RERG: variants seen among roughly 807,000 people sequenced by gnomAD.
The protein encoded by RERG is ras-related and estrogen-regulated growth inhibitor.
In RERG, 25 loss-of-function variants were observed where a neutral mutation model predicts 23.2. That is an observed-to-expected ratio of 1.08 (90% confidence interval 0.79 to 1.50). RERG has a LOEUF of 1.50. RERG is among the 40% of genes most tolerant of loss of function. RERG has a pLI of 0.00. For missense variants in RERG, 253 were observed against 250.1 expected (o/e 1.01, Z -0.08); for synonymous variants, 81 against 89.1 (o/e 0.91, Z 0.51).
chr12:15,145,317 A>G (rs1864313034), intron 2 of RERG, among the ~76,000 whole-genome samples: 1 of 152,252 alleles, frequency 6.6e-6, no homozygotes, highest in African/African-American at 2.4e-5. Flanking sequence ...TTAAAGAAGA[A>G]GAGAGAGACA....
chr12:15,180,338 G>A (rs915987192), intron 2 of RERG, among the ~76,000 whole-genome samples: 1 of 152,098 alleles, frequency 6.6e-6, no homozygotes, highest in Non-Finnish European at 1.5e-5. Flanking sequence ...CCCTGTCTTG[G>A]GTCATTCAGT....
intron 2 of RERG, among the ~76,000 whole-genome samples, chr12:15,160,380 G>A (rs574819221): frequency 1.3e-5 from 2 of 152,196 alleles, no homozygotes; most frequent in African/African-American, 4.8e-5. Context: ...CTCAGGTGCC[G>A]CTGAAACATG....
chr12:15,154,574 A>G (rs541058082), intron 2 of RERG, among the ~76,000 whole-genome samples: 187 of 152,354 alleles, frequency 1.2e-3, no homozygotes, highest in Non-Finnish European at 9.3e-4. Context: ...AGAAATTTGC[A>G]GAATGGGAAA....
intron 2 of RERG, among the ~76,000 whole-genome samples, chr12:15,181,961 A>AT (rs1864928890): frequency 6.6e-6 from 1 of 151,854 alleles, no homozygotes; most frequent in Non-Finnish European, 1.5e-5. Flanking sequence ...AAATTCAGTC[A>AT]TTTTCTCTCT....
chr12:15,165,205 G>A (rs1266258700), intron 2 of RERG, among the ~76,000 whole-genome samples: 4 of 152,086 alleles, frequency 2.6e-5, no homozygotes, highest in South Asian at 2.1e-4. Context: ...GTCTTTGAGC[G>A]GCGACCACTC....
chr12:15,217,585 C>A lies in RERG; in HGVS notation c.-96G>T. 1 of 868,586 alleles carries A rather than the reference C, an allele frequency of 1.2e-6. No individual in the cohort carries two copies. The highest frequency in any genetic ancestry group is 2.0e-6 in the Non-Finnish European group (1 of 510,608). The allele number at this position is 868,586 out of a possible 1,614,324, so 53.8% of individuals were successfully genotyped here. A position where few individuals can be genotyped will look rare whatever the true frequency, so the allele number is the denominator to read the frequency against. On this transcript the variant is annotated 5_prime_UTR_variant, in exon 2 of 5. Coordinates refer to ENST00000256953, the MANE Select transcript of RERG (RefSeq NM_032918.3). ...TTGGATTCACCATATCATTGTGAAT[C>A]TTGGAAGAGTCCACAATCCTTAAAC...
intron 2 of RERG, among the ~76,000 whole-genome samples, chr12:15,133,928 T>G (rs571508736): frequency 6.6e-6 from 1 of 152,238 alleles, no homozygotes; most frequent in East Asian, 1.9e-4. Context: ...TTTCAGATGT[T>G]TTACCCATTT....
intron 2 of RERG, among the ~76,000 whole-genome samples, chr12:15,147,951 G>T (rs79763312): frequency 6.6e-6 from 1 of 152,052 alleles, no homozygotes; most frequent in Non-Finnish European, 1.5e-5. Context: ...TCCAAATCTC[G>T]AATCTCCACT....
At chr12:15,197,151 A>G (rs920659165) in intron 2 of RERG, among the ~76,000 whole-genome samples, 2 of 152,188 alleles carry the variant, frequency 1.3e-5, no homozygotes, top group Non-Finnish European at 2.9e-5. Flanking sequence ...ACAAACACAC[A>G]AAAATGCCTG....
intron 2 of RERG, among the ~76,000 whole-genome samples, chr12:15,122,048 G>A (rs893498693): frequency 6.6e-6 from 1 of 151,750 alleles, no homozygotes; most frequent in Non-Finnish European, 1.5e-5. Flanking sequence ...AAATTGGAGC[G>A]GGATGTCACA....
chr12:15,124,192 G>A (rs909640667), intron 2 of RERG, among the ~76,000 whole-genome samples: 4 of 152,108 alleles, frequency 2.6e-5, no homozygotes, highest in African/African-American at 9.7e-5. Context: ...ATAAGTAAGA[G>A]CTAAAAGGTA....
At chr12:15,206,953 T>C (rs906807280) in intron 2 of RERG, among the ~76,000 whole-genome samples, 2 of 152,040 alleles carry the variant, frequency 1.3e-5, no homozygotes, top group Admixed American at 1.3e-4. Flanking sequence ...AAGCAGGAGA[T>C]TGTAACTGTG....
chr12:15,129,000 C>T (rs1262406274), intron 2 of RERG, among the ~76,000 whole-genome samples: 1 of 152,156 alleles, frequency 6.6e-6, no homozygotes, highest in East Asian at 1.9e-4. Context: ...TTTTCTGTGA[C>T]CGTTCTGGTC....
At chr12:15,206,825 T>C (rs1405410141) in intron 2 of RERG, among the ~76,000 whole-genome samples, 2 of 152,150 alleles carry the variant, frequency 1.3e-5, no homozygotes, top group African/African-American at 2.4e-5. Context: ...AGTTTCTGCA[T>C]AGGATAGATA....
intron 2 of RERG, among the ~76,000 whole-genome samples, chr12:15,169,400 G>A (rs1864742394): frequency 6.6e-6 from 1 of 152,142 alleles, no homozygotes; most frequent in South Asian, 2.1e-4. Context: ...AATCCTTTGA[G>A]GCCCGGACCA....
intron 2 of RERG, among the ~76,000 whole-genome samples, chr12:15,122,529 C>A (rs930854038): frequency 6.6e-6 from 1 of 152,120 alleles, no homozygotes; most frequent in Non-Finnish European, 1.5e-5. Flanking sequence ...AGGCTGAATT[C>A]GAGCCAAAAT....
intron 2 of RERG, among the ~76,000 whole-genome samples, chr12:15,177,063 A>G (rs1038167545): frequency 1.3e-5 from 2 of 152,256 alleles, no homozygotes; most frequent in African/African-American, 4.8e-5. Context: ...CAGTTCATCT[A>G]TATCTAAGTG....
chr12:15,154,645 T>C (rs1200805504), intron 2 of RERG, among the ~76,000 whole-genome samples: 1 of 152,174 alleles, frequency 6.6e-6, no homozygotes, highest in African/African-American at 2.4e-5. Context: ...ACATAGCCAG[T>C]CTTCTGGTGC....
chr12:15,162,595 G>C (rs1864630516), intron 2 of RERG, among the ~76,000 whole-genome samples: 1 of 152,032 alleles, frequency 6.6e-6, no homozygotes, highest in Admixed American at 6.6e-5. Flanking sequence ...ACAATGGGTG[G>C]GAGTATTGAA....
Sources: gnomAD v4.1 joint callset for allele counts (sites outside exome capture counted in the v4.1 genomes callset) on GRCh38, gnomAD v4.1.1 for gene constraint, MANE v1.5 for transcripts, NCBI Gene and HGNC (gene_info 2026-07-23, HGNC 2026-07-21) for gene names.